Variants in ZNF804A observed in about 807,000 individuals in gnomAD.
The protein encoded by ZNF804A is zinc finger protein 804A.
ZNF804A carries 2 observed loss-of-function variants against 16.5 expected under a neutral mutation model. The ratio of observed to expected loss-of-function variants is 0.12; its 90% confidence interval spans 0.05 to 0.38. The LOEUF is 0.38. ZNF804A is among the 10% of genes least tolerant of loss of function. The pLI is 0.99. For missense variants in ZNF804A, 1,473 were observed against 1,390.7 expected, an observed-to-expected ratio of 1.06 and a Z score of -0.94; for synonymous variants, 534 against 489.6, an observed-to-expected ratio of 1.09 and a Z score of -1.20.
chr2:184,907,551 C>T (rs1685296683), intron 2 of ZNF804A, among the ~76,000 whole-genome samples: 1 of 151,992 alleles, frequency 6.6e-6, no homozygotes, highest in Non-Finnish European at 1.5e-5. Flanking sequence ...CTCTGTAGCA[C>T]CTTTAATAGT....
chr2:184,654,505 C>T (rs919628506), intron 1 of ZNF804A, among the ~76,000 whole-genome samples: 5 of 152,094 alleles, frequency 3.3e-5, no homozygotes, highest in African/African-American at 1.2e-4. Context: ...ATTCTATTGT[C>T]ATACATTGTT....
intron 2 of ZNF804A, among the ~76,000 whole-genome samples, chr2:184,875,727 C>T (rs1696044741): frequency 6.8e-6 from 1 of 146,368 alleles, no homozygotes. Context: ...AAATAGTTCT[C>T]AGTAAAGGTA....
chr2:184,828,560 A>G (rs573593290), intron 1 of ZNF804A, among the ~76,000 whole-genome samples: 3 of 149,584 alleles, frequency 2.0e-5, no homozygotes, highest in East Asian at 2.0e-4. Flanking sequence ...TCAATTTTGT[A>G]CTCTTTATTT....
intron 2 of ZNF804A, among the ~76,000 whole-genome samples, chr2:184,933,130 TACAC>T (rs958879997): frequency 8.4e-6 from 1 of 119,434 alleles, no homozygotes; most frequent in Admixed American, 8.8e-5. Context: ...ACTTTTCACT[TACAC>T]ACACACACGC....
chr2:184,736,028 G>A (rs951883404), intron 1 of ZNF804A, among the ~76,000 whole-genome samples: 3 of 152,062 alleles, frequency 2.0e-5, no homozygotes, highest in East Asian at 1.9e-4. Context: ...GAAATGTACC[G>A]GATCCTGAAT....
intron 1 of ZNF804A, among the ~76,000 whole-genome samples, chr2:184,654,334 G>A (rs569394443): frequency 6.6e-6 from 1 of 152,230 alleles, no homozygotes; most frequent in African/African-American, 2.4e-5. Flanking sequence ...TGATCTGTTT[G>A]GGGAATATGC....
At chr2:184,804,212 C>T (rs934393541) in intron 1 of ZNF804A, among the ~76,000 whole-genome samples, 19 of 152,074 alleles carry the variant, frequency 1.2e-4, no homozygotes, top group African/African-American at 2.7e-4. Context: ...AGAATTCACT[C>T]GGGTAATCCC....
intron 1 of ZNF804A, among the ~76,000 whole-genome samples, chr2:184,822,164 A>T (rs1695096332): frequency 6.6e-6 from 1 of 152,162 alleles, no homozygotes; most frequent in Non-Finnish European, 1.5e-5. Context: ...AATCATCCCA[A>T]ATGCCCATCA....
chr2:184,705,724 A>G (rs1488155326), intron 1 of ZNF804A, among the ~76,000 whole-genome samples: 1 of 152,204 alleles, frequency 6.6e-6, no homozygotes, highest in Non-Finnish European at 1.5e-5. Context: ...ATAAATACAC[A>G]CACATAACAC....
intron 1 of ZNF804A, among the ~76,000 whole-genome samples, chr2:184,610,525 T>G (rs1290081077): frequency 6.6e-6 from 1 of 152,060 alleles, no homozygotes; most frequent in Non-Finnish European, 1.5e-5. Flanking sequence ...TTTTAACAAC[T>G]GGTCAAGGAC....
rs116334825 is a variant in ZNF804A at position 184,858,852 on chromosome 2, T to A, written c.112-7517T>A. Among the ~76,000 whole-genome samples the A allele has an allele frequency of 9.1e-3, 1,384 of 152,300 alleles. 23 individuals are homozygous for A. The highest frequency in any genetic ancestry group is 0.032 in the African/African-American group (1,323 of 41,560). On this transcript the variant is annotated intron_variant, in intron 1 of 3. Coordinates refer to ENST00000302277, the MANE Select transcript of ZNF804A (RefSeq NM_194250.2). The stretch of plus-strand genomic sequence containing the variant: ...CATTTTTGTAAGACAAGTCTAATGA[T>A]AAGTTAACCCCTCAGCTTTTGTTTG...
intron 1 of ZNF804A, among the ~76,000 whole-genome samples, chr2:184,755,560 G>A (rs1693947330): frequency 6.6e-6 from 1 of 151,864 alleles, no homozygotes; most frequent in Non-Finnish European, 1.5e-5. Flanking sequence ...ATTTAATTGT[G>A]AGTTTTAGAA....
intron 1 of ZNF804A, among the ~76,000 whole-genome samples, chr2:184,731,448 A>G (rs908356007): frequency 4.0e-5 from 6 of 151,298 alleles, no homozygotes; most frequent in Admixed American, 2.0e-4. Context: ...TAGTGATGTT[A>G]TAGCGTTGTT....
chr2:184,821,904 C>T (rs1157054760), intron 1 of ZNF804A, among the ~76,000 whole-genome samples: 1 of 151,966 alleles, frequency 6.6e-6, no homozygotes, highest in Non-Finnish European at 1.5e-5. Context: ...TTAAAAAGTT[C>T]AGAAACAGCA....
intron 1 of ZNF804A, among the ~76,000 whole-genome samples, chr2:184,798,171 T>C (rs961216954): frequency 2.6e-5 from 4 of 152,002 alleles, no homozygotes; most frequent in Non-Finnish European, 5.9e-5. Flanking sequence ...CTCTTAAGAT[T>C]CTTTCCTTCA....
At chr2:184,717,824 G>A (rs6747844) in intron 1 of ZNF804A, among the ~76,000 whole-genome samples, 47,081 of 151,888 alleles carry the variant, frequency 0.31, 9,562 homozygotes, top group African/African-American at 0.58. Context: ...TGTTTTTAAC[G>A]TTTCAAGTCC....
rs529725287 is a variant in ZNF804A at position 184,872,596 on chromosome 2, T to C, written c.255+6084T>C. On this transcript the variant is annotated intron_variant, in intron 2 of 3. Transcript: ENST00000302277. The stretch of plus-strand genomic sequence containing the variant: ...CTTTGAATTAGGAAAGTTAGAAAAT[T>C]GTTTTTAAAATGCATTAAATGGAAG... Among the ~76,000 whole-genome samples the C allele has an allele frequency of 2.0e-5, 3 of 152,244 alleles. No individual in the cohort carries two copies. In the East Asian group the frequency reaches 5.8e-4, roughly 29 times the overall value.
chr2:184,845,340 T>A (rs1041177093), intron 1 of ZNF804A, among the ~76,000 whole-genome samples: 6 of 152,138 alleles, frequency 3.9e-5, no homozygotes, highest in African/African-American at 1.4e-4. Context: ...TGATAAAGAT[T>A]AAACATTAGC....
At chr2:184,715,102 T>G (rs1264839975) in intron 1 of ZNF804A, among the ~76,000 whole-genome samples, 1 of 152,148 alleles carries the variant, frequency 6.6e-6, no homozygotes, top group Admixed American at 6.6e-5. Context: ...GGACACTTTT[T>G]CACAAAATTG....
Sources: allele counts gnomAD v4.1 joint callset (sites outside exome capture counted in the v4.1 genomes callset), GRCh38; gene constraint gnomAD v4.1.1; transcripts MANE v1.5; gene names NCBI Gene and HGNC (gene_info 2026-07-23, HGNC 2026-07-21).